XG: variants seen among roughly 807,000 people sequenced by gnomAD.
XG encodes the protein Xg glycoprotein (Xg blood group).
A neutral mutation model predicts 25.7 loss-of-function variants in XG; 24 were observed. The observed-to-expected ratio is 0.93, with a 90% CI of 0.68 to 1.31. The LOEUF (loss-of-function observed/expected upper bound fraction) is 1.31. Among genes scored for constraint, XG ranks in the 40% most tolerant of loss-of-function variants. The pLI is 0.00. For missense variants in XG, 181 were observed against 187.6 expected (o/e 0.96, Z 0.21); for synonymous variants, 77 against 69.2 (o/e 1.11, Z -0.56).
chrX:2,786,492 T>G (rs746760339), intron 4 of XG, among the ~76,000 whole-genome samples: 39 of 109,524 alleles, frequency 3.6e-4, no homozygotes, highest in African/African-American at 1.3e-3. Context: ...GGTCTCAAAC[T>G]CCTGACCTCA....
Position 2,774,746 on chromosome X carries a change from G to C in XG, c.127+7G>C. 1 of 1,613,840 alleles carries C rather than the reference G, an allele frequency of 6.2e-7. No individual in the cohort carries two copies. The highest frequency in any genetic ancestry group is 8.5e-7 in the Non-Finnish European group (1 of 1,179,836). ...ACCAAGAAGCCAAACTCAGGTGAGT[G>C]TCTCTTCAGCTGGGAAAAACTGAGG... On this transcript the variant is annotated splice_region_variant and intron_variant, in intron 3 of 10. Coordinates refer to ENST00000644266, the MANE Select transcript of XG (RefSeq NM_001141919.2).
intron 1 of XG, among the ~76,000 whole-genome samples, chrX:2,769,795 C>T (rs2050773518): frequency 6.6e-6 from 1 of 152,208 alleles, no homozygotes; most frequent in Admixed American, 6.5e-5. Flanking sequence ...AGCTTGTCCA[C>T]ACAGGTTGCT....
At chrX:2,775,955 CAAA>C (rs1173774743) in intron 3 of XG, among the ~76,000 whole-genome samples, 14 of 122,166 alleles carry the variant, frequency 1.1e-4, no homozygotes, top group African/African-American at 9.6e-5. Flanking sequence ...GATTCCGTCT[CAAA>C]AAAAAAAAAA....
rs750848007 is a variant in XG, at chrX:2,789,646, A to T, written c.193A>T (p.Ile65Phe). Residue 65 changes from isoleucine to phenylalanine, a missense_variant and splice_region_variant, in exon 5 of 11, where the codon ATC (isoleucine) becomes TTC (phenylalanine). Coordinates refer to ENST00000644266, the MANE Select transcript of XG (RefSeq NM_001141919.2). ...QPENPDSGGN[I>F]YPRPKPRPQP... is the part of the protein sequence containing the mutation. The stretch of plus-strand genomic sequence containing the variant: ...ATCATACTGTTGTTTTCCAACAGAT[A>T]TCTACCCAAGGCCAAAGCCACGCCC... The T allele has an allele frequency of 2.6e-6, 3 of 1,167,524 alleles. No individual in the cohort carries two copies. The Admixed American group carries it at 7.3e-5, about 28-fold the overall frequency.
chrX:2,797,021 T>C (rs924009269), intron 6 of XG, among the ~76,000 whole-genome samples: 6 of 111,550 alleles, frequency 5.4e-5, no homozygotes, highest in Admixed American at 1.9e-4. Flanking sequence ...AGGAAGCGGG[T>C]GCGCCTGCGT....
chrX:2,770,361 G>A (rs2050790108), intron 1 of XG, among the ~76,000 whole-genome samples, 189 bp from the exon 2 acceptor site: 1 of 152,104 alleles, frequency 6.6e-6, no homozygotes, highest in African/African-American at 2.4e-5. Context: ...CTTCTTTTGG[G>A]TGATGAGTAT....
chrX:2,758,876 CCTAT>C (rs1334227825), intron 1 of XG, among the ~76,000 whole-genome samples: 1 of 152,180 alleles, frequency 6.6e-6, no homozygotes, highest in Non-Finnish European at 1.5e-5. Flanking sequence ...TATCCATCCA[CCTAT>C]CTGTCTCTAT....
chrX:2,808,650 C>T (rs1235243762), intron 9 of XG: 7 of 593,297 alleles, frequency 1.2e-5, no homozygotes, highest in Non-Finnish European at 1.4e-5. Context: ...GGAGGGAGAA[C>T]TTGAAGCCCA....
intron 9 of XG, 144 bp from the exon 10 acceptor site, chrX:2,811,192 A>G (rs1316585702): frequency 5.0e-6 from 2 of 398,840 alleles, no homozygotes; most frequent in African/African-American, 5.1e-5. Context: ...AAGTTACTAG[A>G]TAGATGCAAA....
intron 3 of XG, among the ~76,000 whole-genome samples, chrX:2,779,071 A>G (rs992854766): frequency 2.1e-4 from 32 of 152,046 alleles, no homozygotes; most frequent in Non-Finnish European, 4.6e-4. Context: ...GCCTCATGTA[A>G]TACTTAAAAA....
chrX:2,785,730 T>C (rs1224912742), intron 4 of XG, among the ~76,000 whole-genome samples: 1 of 111,628 alleles, frequency 9.0e-6, no homozygotes, highest in African/African-American at 3.3e-5. Context: ...CCAGTGTTCT[T>C]GCCCAGGCTA....
rs1179667048 is a variant in XG, at chrX:2,786,260, C to CTTTTTT, written c.191-3372_191-3367dup. ...CCCCAGCAGCTCCTATCCATGTTGT[C>CTTTTTT]TTTTTTTTTTTTTTTTTCAGACAGA... On this transcript the variant is annotated intron_variant, in intron 4 of 10. Coordinates refer to ENST00000644266, the MANE Select transcript of XG (RefSeq NM_001141919.2). Among the ~76,000 whole-genome samples the CTTTTTT allele has an allele frequency of 5.6e-4, 34 of 60,569 alleles. 2 individuals are homozygous for CTTTTTT. Among genetic ancestry groups the CTTTTTT allele is most frequent in the African/African-American group, 1.8e-3 (26 of 14,219 alleles). 52.6% of individuals were successfully genotyped at this position (60,569 alleles called of 115,157 possible). A position where few individuals can be genotyped will look rare whatever the true frequency, so the allele number is the denominator to read the frequency against.
chrX:2,764,111 G>C (rs775209558), intron 1 of XG, among the ~76,000 whole-genome samples: 1 of 152,300 alleles, frequency 6.6e-6, no homozygotes, highest in East Asian at 1.9e-4. Flanking sequence ...ATGGCGATGA[G>C]AGTGACCTCG....
At position 2,808,222 on chromosome X, in the gene XG, T is replaced by C; in HGVS notation, c.454+2T>C. 8.3e-7 allele frequency: 1 copy of C among 1,211,082 alleles called. No individual in the cohort carries two copies. Among genetic ancestry groups the C allele is most frequent in the South Asian group, 1.8e-5 (1 of 56,857 alleles). On this transcript the variant is annotated splice_donor_variant, in intron 9 of 10. Transcript: ENST00000644266. LOFTEE classifies it high-confidence loss of function. ...ATTCAACGTATGGCAATCCAGAAGG[T>C]AACTGATTGACTCACCCGGTCCCAA...
chrX:2,801,566 G>A, intron 7 of XG, among the ~76,000 whole-genome samples: 1 of 111,174 alleles, frequency 9.0e-6, no homozygotes, highest in East Asian at 2.8e-4. Flanking sequence ...CATCTTGTCT[G>A]CTACTTACTG....
intron 7 of XG, among the ~76,000 whole-genome samples, chrX:2,797,901 G>A (rs1287555083): frequency 7.2e-5 from 8 of 110,861 alleles, no homozygotes; most frequent in Non-Finnish European, 1.5e-4. Context: ...TTAGCCAGGC[G>A]TGGTGGCATG....
chrX:2,801,484 A>G (rs1205663436), intron 7 of XG, among the ~76,000 whole-genome samples: 9 of 111,137 alleles, frequency 8.1e-5, no homozygotes, highest in Non-Finnish European at 1.7e-4. Flanking sequence ...TGACTTCTAC[A>G]TAGTGCGTGG....
intron 10 of XG, 36 bp from the exon 11 acceptor site, chrX:2,814,325 TGCC>T: frequency 1.7e-6 from 2 of 1,189,489 alleles, no homozygotes; most frequent in African/African-American, 1.8e-5. Context: ...CTTTTTTTTT[TGCC>T]CCCACAATGA....
At chrX:2,780,425 T>TA (rs751220927) in intron 3 of XG, among the ~76,000 whole-genome samples, 58,690 of 126,546 alleles carry the variant, frequency 0.46, 13,723 homozygotes, top group Middle Eastern at 0.62. Flanking sequence ...TTTTTTTTTC[T>TA]AAAAAAAAAA....
Sources: gnomAD v4.1 joint callset for allele counts (sites outside exome capture counted in the v4.1 genomes callset) on GRCh38, gnomAD v4.1.1 for gene constraint, MANE v1.5 for transcripts, NCBI Gene and HGNC (gene_info 2026-07-23, HGNC 2026-07-21) for gene names.